Variants in CXCL13 observed in about 807,000 individuals in gnomAD.
The protein encoded by CXCL13 is C-X-C motif chemokine ligand 13, also known as C-X-C motif chemokine 13.
A neutral mutation model predicts 12.2 loss-of-function variants in CXCL13; 7 were observed. The observed-to-expected ratio is 0.57, with a 90% CI of 0.33 to 1.07. The LOEUF is 1.07. Among genes scored for constraint, CXCL13 ranks in the 50% least tolerant of loss-of-function variants. The pLI, the probability that CXCL13 is intolerant of heterozygous loss-of-function variation, is 0.04. For missense variants in CXCL13, 113 were observed against 127.4 expected (o/e 0.89, Z 0.55); for synonymous variants, 47 against 42.4 (o/e 1.11, Z -0.42).
intron 1 of CXCL13, among the ~76,000 whole-genome samples, chr4:77,578,379 G>A (rs1313176314): frequency 2.0e-5 from 3 of 152,166 alleles, no homozygotes; most frequent in Non-Finnish European, 4.4e-5. Flanking sequence ...CTGTCAGCAG[G>A]AAGCAGTTAA....
chr4:77,594,939 TA>T (rs1355522701), intron 1 of CXCL13, among the ~76,000 whole-genome samples: 2 of 151,742 alleles, frequency 1.3e-5, no homozygotes, highest in Non-Finnish European at 2.9e-5. Flanking sequence ...TAATAAAAAT[TA>T]GAAAATAAAA....
intron 1 of CXCL13, among the ~76,000 whole-genome samples, chr4:77,570,396 A>G (rs1324333427): frequency 6.6e-6 from 1 of 152,228 alleles, no homozygotes; most frequent in African/African-American, 2.4e-5. Flanking sequence ...TCCAGCATCT[A>G]TAATAAACTT....
intron 1 of CXCL13, among the ~76,000 whole-genome samples, chr4:77,567,858 C>T (rs1578057600): frequency 1.3e-5 from 2 of 152,332 alleles, no homozygotes; most frequent in South Asian, 4.1e-4. Context: ...AAAATCCACC[C>T]CTTGTTTAGC....
At chr4:77,537,777 G>T (rs574717924) in intron 1 of CXCL13, among the ~76,000 whole-genome samples, 1 of 152,158 alleles carries the variant, frequency 6.6e-6, no homozygotes, top group South Asian at 2.1e-4. Flanking sequence ...CTTAACCCAT[G>T]CAGTTGTTGT....
Position 77,605,925 on chromosome 4 carries a change from C to T in CXCL13, c.60C>T (p.Val20=), listed in dbSNP as rs766030835. 1.3e-6 allele frequency: 2 copies of T among 1,592,960 alleles called. No individual in the cohort carries two copies. Among genetic ancestry groups the T allele is most frequent in the Non-Finnish European group, 1.7e-6 (2 of 1,164,596 alleles). The change falls in exon 1 of 4, where the codon GTC becomes GTT. Residue 20 remains valine, a synonymous_variant. Transcript: ENST00000682537. Reference sequence around the variant, plus strand: ...TGCTGGTCAGCAGCCTCTCTCCAGTCCAAGGTGAGAAATTTCATTTACATT... The same window carrying T: ...TGCTGGTCAGCAGCCTCTCTCCAGTTCAAGGTGAGAAATTTCATTTACATT... ...LMLLVSSLSP[V]QGVLEVYYTS...
At chr4:77,585,035 A>G (rs984125192) in intron 1 of CXCL13, among the ~76,000 whole-genome samples, 4 of 152,154 alleles carry the variant, frequency 2.6e-5, no homozygotes, top group Non-Finnish European at 5.9e-5. Context: ...TGAGCACATC[A>G]TGTTGCCATG....
intron 1 of CXCL13, among the ~76,000 whole-genome samples, chr4:77,577,442 G>A (rs989761726): frequency 2.6e-5 from 4 of 152,018 alleles, no homozygotes; most frequent in Admixed American, 6.6e-5. Flanking sequence ...TGAGGGGTCC[G>A]GAGGCAGACA....
At chr4:77,602,126 C>G (rs1308694506), upstream of CXCL13, among the ~76,000 whole-genome samples, 1 of 152,190 alleles carries the variant, frequency 6.6e-6, no homozygotes, top group Non-Finnish European at 1.5e-5. Context: ...CTGTGAAACT[C>G]TACCGTTAAC....
chr4:77,605,861 A>G lies in CXCL13; in HGVS notation c.-5A>G. ...GCTCAAGTCTGAACTCTACCTCCAG[A>G]CAGAATGAAGTTCATCTCGACATCT... On this transcript the variant is annotated 5_prime_UTR_variant, in exon 1 of 4. Coordinates refer to ENST00000682537, the MANE Select transcript of CXCL13 (RefSeq NM_001371558.1). 2 of 1,601,856 alleles carry G rather than the reference A, an allele frequency of 1.2e-6. No individual in the cohort carries two copies. The highest frequency in any genetic ancestry group is 1.7e-6 in the Non-Finnish European group (2 of 1,171,844).
At chr4:77,587,446 A>G (rs1726500341) in intron 1 of CXCL13, among the ~76,000 whole-genome samples, 1 of 152,184 alleles carries the variant, frequency 6.6e-6, no homozygotes, top group Non-Finnish European at 1.5e-5. Flanking sequence ...AGACACGTGC[A>G]AAAATAAACA....
intron 1 of CXCL13, among the ~76,000 whole-genome samples, chr4:77,568,911 T>C (rs1726000972): frequency 6.6e-6 from 1 of 152,220 alleles, no homozygotes; most frequent in Non-Finnish European, 1.5e-5. Flanking sequence ...CTTTATTTAA[T>C]GCTTTGCTAT....
At chr4:77,589,420 T>C (rs1478089218) in intron 1 of CXCL13, among the ~76,000 whole-genome samples, 1 of 152,218 alleles carries the variant, frequency 6.6e-6, no homozygotes, top group Non-Finnish European at 1.5e-5. Flanking sequence ...ACCCTTACTT[T>C]ACTTAAAAAT....
chr4:77,516,372 A>G (rs1156356735), intron 1 of CXCL13, among the ~76,000 whole-genome samples: 1 of 152,224 alleles, frequency 6.6e-6, no homozygotes, highest in African/African-American at 2.4e-5. Context: ...GAATAGTTTC[A>G]GAAGGAATGG....
chr4:77,577,463 T>G (rs1726225230), intron 1 of CXCL13, among the ~76,000 whole-genome samples: 1 of 152,034 alleles, frequency 6.6e-6, no homozygotes, highest in South Asian at 2.1e-4. Context: ...ATAATGGAAG[T>G]TAAAAGGCAC....
At chr4:77,553,847 A>C (rs1389255880) in intron 1 of CXCL13, among the ~76,000 whole-genome samples, 3 of 152,180 alleles carry the variant, frequency 2.0e-5, no homozygotes, top group African/African-American at 7.2e-5. Flanking sequence ...AAATCCAAAT[A>C]TGTAGGATAA....
At chr4:77,560,296 C>A (rs1725775437) in intron 1 of CXCL13, among the ~76,000 whole-genome samples, 1 of 152,132 alleles carries the variant, frequency 6.6e-6, no homozygotes, top group Non-Finnish European at 1.5e-5. Flanking sequence ...TTATTGGAAT[C>A]TGTGTGGAAC....
chr4:77,543,130 A>G (rs1366913842), intron 1 of CXCL13, among the ~76,000 whole-genome samples: 2 of 151,864 alleles, frequency 1.3e-5, no homozygotes, highest in African/African-American at 4.8e-5. Flanking sequence ...TTTCTTCCAT[A>G]TTTTCTAGTC....
At chr4:77,524,044 G>C (rs1443713743) in intron 1 of CXCL13, among the ~76,000 whole-genome samples, 1 of 151,944 alleles carries the variant, frequency 6.6e-6, no homozygotes, top group Non-Finnish European at 1.5e-5. Context: ...AGTGGAGGCT[G>C]CAGAACAGCA....
At position 77,592,386 on chromosome 4, in the gene CXCL13, A is replaced by G. The variant is rs1350217318; in HGVS notation, c.-42-13438A>G. 2.0e-5 allele frequency among the ~76,000 whole-genome samples: 3 copies of G among 152,252 alleles called. No homozygotes were observed. The East Asian group carries it at 5.8e-4, about 29-fold the overall frequency. ...TGGAATCTAAGAAAACATTGAAATC[A>G]CAGAAGTAGAGAGTGGAATGGTGGT... is the stretch of plus-strand genomic sequence containing the variant. On this transcript the variant is annotated intron_variant, in intron 1 of 4. Transcript: ENST00000286758.
Sources: gnomAD v4.1 joint callset for allele counts (sites outside exome capture counted in the v4.1 genomes callset) on GRCh38, gnomAD v4.1.1 for gene constraint, MANE v1.5 for transcripts, NCBI Gene and HGNC (gene_info 2026-07-23, HGNC 2026-07-21) for gene names.